The following CD81 variants were observed in gnomAD, a reference collection of about 807,000 sequenced individuals.
CD81 encodes the protein CD81 molecule.
Under a neutral mutation model 30.1 loss-of-function variants are expected in CD81, and 10 were observed. That is an observed-to-expected ratio of 0.33 (90% CI 0.21 to 0.56). The LOEUF is 0.56. Among genes scored for constraint, CD81 ranks in the 20% least tolerant of loss-of-function variants. CD81 has a pLI of 0.89. For synonymous variants in CD81, 147 were observed against 126.4 expected (o/e 1.16, Z -1.10); for missense variants, 263 against 308.7 (o/e 0.85, Z 1.11).
intron 1 of CD81, among the ~76,000 whole-genome samples, chr11:2,383,924 C>T (rs1187480895): frequency 3.3e-5 from 5 of 152,068 alleles, no homozygotes; most frequent in East Asian, 1.9e-4. Flanking sequence ...AGCTCCCACC[C>T]GAAGTTCTGG....
intron 1 of CD81, among the ~76,000 whole-genome samples, chr11:2,379,369 G>GACCTGGGAGTAGGGGCTGAGGGAGGT (rs1564988322): frequency 1.2e-4 from 15 of 126,286 alleles, no homozygotes; most frequent in African/African-American, 5.2e-4. Context: ...CTGAGGGAGG[G>GACCTGGGAGTAGGGGCTGAGGGAGGT]TGTAGGCCTG....
At chr11:2,395,331 A>C in intron 4 of CD81, 85 bp from the exon 5 acceptor site, 1 of 1,116,024 alleles carries the variant, frequency 9.0e-7, no homozygotes, top group Non-Finnish European at 1.3e-6. Context: ...AGAGCCTGGG[A>C]AAAGTGCGTC....
chr11:2,383,570 C>T (rs1849737051), intron 1 of CD81, among the ~76,000 whole-genome samples: 1 of 152,202 alleles, frequency 6.6e-6, no homozygotes, highest in Non-Finnish European at 1.5e-5. Context: ...TCTCAGGCCC[C>T]AGCACCTCCC....
intron 1 of CD81, among the ~76,000 whole-genome samples, chr11:2,379,545 G>A (rs1797087720): frequency 6.6e-6 from 1 of 151,796 alleles, no homozygotes; most frequent in Admixed American, 6.6e-5. Flanking sequence ...GGACTTCTCC[G>A]GAGGTGGATT....
intron 6 of CD81, 96 bp downstream of exon 6, chr11:2,396,066 G>C (rs563673685): frequency 4.1e-6 from 3 of 738,998 alleles, no homozygotes; most frequent in Non-Finnish European, 7.1e-6. Context: ...GCCCCACAGG[G>C]AGCGACCACA....
intron 3 of CD81, 127 bp downstream of exon 3, chr11:2,394,319 C>A: frequency 1.6e-6 from 1 of 637,322 alleles, no homozygotes; most frequent in South Asian, 1.8e-5. Flanking sequence ...GCTCCTGTGC[C>A]CTGCTTTTCC....
chr11:2,390,579 C>G, intron 2 of CD81, 53 bp downstream of exon 2: 1 of 1,290,528 alleles, frequency 7.7e-7, no homozygotes, highest in Non-Finnish European at 1.1e-6. Flanking sequence ...TAGGAGGAGG[C>G]AGGTCCTAGC....
At chr11:2,390,153 G>C (rs1392621543) in intron 1 of CD81, 4 of 591,426 alleles carry the variant, frequency 6.8e-6, no homozygotes, top group Non-Finnish European at 1.2e-5. Flanking sequence ...GTGTCTTCCT[G>C]GCAGTCCTGC....
intron 1 of CD81, among the ~76,000 whole-genome samples, chr11:2,380,401 G>A (rs953715383): frequency 5.3e-5 from 8 of 151,966 alleles, no homozygotes; most frequent in Admixed American, 3.3e-4. Flanking sequence ...ACACACACAC[G>A]CACAGGCACT....
intron 1 of CD81, chr11:2,385,937 C>A (rs1474267489): frequency 4.4e-6 from 3 of 676,992 alleles, no homozygotes; most frequent in East Asian, 2.7e-5. Flanking sequence ...GCAGCTGGGT[C>A]ATGTGGTGAA....
At chr11:2,386,066 G>GGT (rs1389158140) in intron 1 of CD81, 4 of 717,380 alleles carry the variant, frequency 5.6e-6, no homozygotes. Flanking sequence ...AGCAGCATGT[G>GGT]GTGTGGTTGG....
Position 2,378,428 on chromosome 11 carries a change from C to T in CD81, c.66+813C>T, listed in dbSNP as rs2521252. ...GGGGCCTGGAGTGGATGGCAGGGTC[C>T]GGGAGTGGGGCCGCTGCTTTGCAAG... On this transcript the variant is annotated intron_variant, in intron 1 of 7. Transcript: ENST00000263645. The surrounding 1 kb of genome is among the most constrained non-coding windows in gnomAD (Gnocchi z 4.9). 0.66 allele frequency among the ~76,000 whole-genome samples: 100,066 copies of T among 152,050 alleles called. 34,793 individuals are homozygous for T. The highest frequency in any genetic ancestry group is 0.8 in the Non-Finnish European group (54,431 of 67,956).
At chr11:2,385,331 C>T (rs1185749631) in intron 1 of CD81, among the ~76,000 whole-genome samples, 3 of 152,194 alleles carry the variant, frequency 2.0e-5, no homozygotes, top group South Asian at 4.1e-4. Flanking sequence ...CCCTTGGGAT[C>T]TCTGCTTCCT....
intron 1 of CD81, among the ~76,000 whole-genome samples, chr11:2,388,070 A>G (rs1209230429): frequency 6.6e-6 from 1 of 152,100 alleles, no homozygotes; most frequent in East Asian, 1.9e-4. Context: ...TTTTTGAGAC[A>G]GGGTCTTGCT....
At chr11:2,389,872 G>T (rs1180224470) in intron 1 of CD81, among the ~76,000 whole-genome samples, 1 of 152,042 alleles carries the variant, frequency 6.6e-6, no homozygotes, top group African/African-American at 2.4e-5. Context: ...AGAGTTCTCA[G>T]CACCCCCAGA....
chr11:2,382,359 G>C (rs1849719409), intron 1 of CD81: 1 of 152,368 alleles, frequency 6.6e-6, no homozygotes. Context: ...GAGTCCAGGT[G>C]TGAGATTCCA....
chr11:2,388,976 G>C (rs1365820632), intron 1 of CD81, among the ~76,000 whole-genome samples: 2 of 152,204 alleles, frequency 1.3e-5, no homozygotes, highest in African/African-American at 4.8e-5. Flanking sequence ...TGCCAGACCA[G>C]ATTTTAGGGG....
intron 1 of CD81, chr11:2,379,213 G>A (rs1212855042): frequency 7.3e-5 from 33 of 451,438 alleles, no homozygotes; most frequent in Admixed American, 6.7e-4. Flanking sequence ...CGAGGCGAGT[G>A]TGGACCTGGG....
Position 2,395,772 on chromosome 11 carries a change from A to T in CD81, c.460-97A>T, listed in dbSNP as rs1303779265. On this transcript the variant is annotated intron_variant, in intron 5 of 7. Coordinates refer to ENST00000263645, the MANE Select transcript of CD81 (RefSeq NM_004356.4). The stretch of plus-strand genomic sequence containing the variant: ...CCCCTGGATGCATTCTGCAGTGGGG[A>T]GCGCTGCGTACCCCTGGCCACCTCC... The T allele has an allele frequency of 6.4e-5, 54 of 846,630 alleles. No homozygotes were observed. The East Asian group carries it at 1.3e-3, about 20-fold the overall frequency. 52.4% of individuals were successfully genotyped at this position (846,630 alleles called of 1,614,324 possible). A position where few individuals can be genotyped will look rare whatever the true frequency, so the allele number is the denominator to read the frequency against.
Sources: gnomAD v4.1 joint callset for allele counts (sites outside exome capture counted in the v4.1 genomes callset) on GRCh38, gnomAD v4.1.1 for gene constraint, Gnocchi (gnomAD v3.1) non-coding constraint, MANE v1.5 for transcripts, NCBI Gene and HGNC (gene_info 2026-07-23, HGNC 2026-07-21) for gene names.